The following ASPM variants were observed in gnomAD, a reference collection of about 807,000 sequenced individuals.
ASPM encodes abnormal spindle-like microcephaly-associated protein.
A neutral mutation model predicts 366.4 loss-of-function variants in ASPM; 256 were observed. The ratio of observed to expected loss-of-function variants is 0.70; its 90% CI spans 0.63 to 0.77. The LOEUF is 0.77. Among genes scored for constraint, ASPM ranks in the 30% least tolerant of loss-of-function variants. The pLI is 0.00. For missense variants in ASPM, 4,146 were observed against 4,090.4 expected, an observed-to-expected ratio of 1.01 and a Z score of -0.37; for synonymous variants, 1,414 against 1,342.9, an observed-to-expected ratio of 1.05 and a Z score of -1.16.
At chr1:197,123,746 GTTC>G (rs1293272477) in intron 13 of ASPM, among the ~76,000 whole-genome samples, 1 of 152,054 alleles carries the variant, frequency 6.6e-6, no homozygotes, top group African/African-American at 2.4e-5. Context: ...CTCAAATTTT[GTTC>G]TTCTTCCTCT....
At chr1:197,116,439 C>G (rs190543022) in intron 17 of ASPM, among the ~76,000 whole-genome samples, 2 of 152,220 alleles carry the variant, frequency 1.3e-5, no homozygotes, top group East Asian at 3.9e-4. Context: ...ATGACACAAA[C>G]ACAAAGTGAG....
Position 197,142,857 on chromosome 1 carries a change from T to A in ASPM, c.1395A>T (p.Ile465=), listed in dbSNP as rs1331563332. ...CAGAAAATTTAGGATTATTTTGTTTTATAAAACTGTAGTAATTTGACTTCA... is the reference window on the plus strand; with the variant it reads ...CAGAAAATTTAGGATTATTTTGTTTAATAAAACTGTAGTAATTTGACTTCA... The part of the protein sequence containing the change: ...VEMKSNYYSF[I]KQNNPKFSAV... The change falls in exon 3 of 28, where the codon ATA becomes ATT. Residue 465 remains isoleucine, a synonymous_variant. Transcript: ENST00000367409. 3 of 1,613,316 alleles carry A rather than the reference T, an allele frequency of 1.9e-6. No individual in the cohort carries two copies. Among genetic ancestry groups the A allele is most frequent in the Non-Finnish European group, 2.5e-6 (3 of 1,179,440 alleles).
intron 10 of ASPM, among the ~76,000 whole-genome samples, chr1:197,126,830 A>G (rs981768676): frequency 6.6e-6 from 1 of 152,232 alleles, no homozygotes; most frequent in African/African-American, 2.4e-5. Context: ...TCTTGTCCTC[A>G]TAAATGTCAA....
At chr1:197,117,162 A>T (rs940586076) in intron 17 of ASPM, among the ~76,000 whole-genome samples, 17 of 152,094 alleles carry the variant, frequency 1.1e-4, no homozygotes, top group African/African-American at 4.1e-4. Context: ...AAACTTTCAA[A>T]TTCATAAATC....
At chr1:197,095,736 A>G (rs1041858260) in intron 19 of ASPM, among the ~76,000 whole-genome samples, 5 of 147,406 alleles carry the variant, frequency 3.4e-5, no homozygotes, top group African/African-American at 1.2e-4. Context: ...TCCTTACTCT[A>G]ATCCTTATGA....
chr1:197,124,751 G>A (rs1557956956), intron 12 of ASPM, 119 bp downstream of exon 12: 6 of 791,126 alleles, frequency 7.6e-6, no homozygotes, highest in Non-Finnish European at 1.3e-5. Flanking sequence ...AGTTACTGGG[G>A]CAAAATAAAC....
intron 25 of ASPM, among the ~76,000 whole-genome samples, chr1:197,089,716 A>T (rs951445685): frequency 2.0e-5 from 3 of 151,900 alleles, no homozygotes; most frequent in Non-Finnish European, 4.4e-5. Flanking sequence ...ATTAATCATC[A>T]TTGTTTTTAA....
rs1553227712 is a variant in ASPM at position 197,142,721 on chromosome 1, C to G, written c.1531G>C (p.Glu511Gln). ...KATCTRENQT[E>Q]INKPKAKRCL... Reference sequence around the variant, plus strand: ...CTTTTTGCTTTTGGTTTATTAATCTCAGTTTGGTTTTCTCTGGTACAGGTG... The same window carrying G: ...CTTTTTGCTTTTGGTTTATTAATCTGAGTTTGGTTTTCTCTGGTACAGGTG... Residue 511 changes from glutamate (E) to glutamine (Q), a missense_variant, in exon 3 of 28, where the codon GAG becomes CAG. By Grantham distance (29) the Glu-to-Gln change is conservative (BLOSUM62 2). Coordinates refer to ENST00000367409, the MANE Select transcript of ASPM (RefSeq NM_018136.5). 6.2e-7 allele frequency: 1 copy of G among 1,613,958 alleles called. No individual in the cohort carries two copies. The highest frequency in any genetic ancestry group is 8.5e-7 in the Non-Finnish European group (1 of 1,179,874).
chr1:197,129,983 C>T lies in ASPM; in HGVS notation c.2561G>A (p.Arg854His). The part of the protein sequence containing the change: ...VTGLAMFILN[R>H]LLWNPDIAAE... Reference sequence around the variant, plus strand: ...TGCTATATCAGGATTCCAAAGTAGGCGATTCAGAATAAACATAGCCAACCC... The same window carrying T: ...TGCTATATCAGGATTCCAAAGTAGGTGATTCAGAATAAACATAGCCAACCC... Residue 854 changes from arginine to histidine, a missense_variant, in exon 8 of 28, where the codon CGC becomes CAC. By Grantham distance (29) the Arg-to-His change is conservative. Coordinates refer to ENST00000367409, the MANE Select transcript of ASPM (RefSeq NM_018136.5). The T allele has an allele frequency of 4.3e-6, 7 of 1,613,818 alleles. No individual in the cohort carries two copies. The highest frequency in any genetic ancestry group is 1.7e-5 in the Admixed American group (1 of 60,004).
intron 3 of ASPM, among the ~76,000 whole-genome samples, chr1:197,140,693 C>A (rs1276141794): frequency 1.3e-5 from 2 of 152,054 alleles, no homozygotes; most frequent in Non-Finnish European, 2.9e-5. Flanking sequence ...GAAGTAAAAA[C>A]CCTCATTTAT....
At chr1:197,096,397 G>A (rs1411706612) in intron 18 of ASPM, among the ~76,000 whole-genome samples, 1 of 151,784 alleles carries the variant, frequency 6.6e-6, no homozygotes, top group Non-Finnish European at 1.5e-5. Context: ...ATGGCTGGCT[G>A]CCAGCCCAGC....
intron 7 of ASPM, among the ~76,000 whole-genome samples, chr1:197,131,239 T>C (rs1178587961): frequency 6.6e-6 from 1 of 152,192 alleles, no homozygotes; most frequent in African/African-American, 2.4e-5. Context: ...AAGACTCTTC[T>C]ATTCCAAAAC....
At chr1:197,125,283 C>T (rs1658056550) in intron 10 of ASPM, 92 bp from the exon 11 acceptor site, 2 of 1,447,040 alleles carry the variant, frequency 1.4e-6, no homozygotes, top group East Asian at 4.6e-5. Flanking sequence ...ACATAAATCC[C>T]AACAGTTACA....
chr1:197,092,156 G>A, intron 21 of ASPM, 100 bp from the exon 22 acceptor site: 1 of 1,178,220 alleles, frequency 8.5e-7, no homozygotes, highest in Non-Finnish European at 1.2e-6. Flanking sequence ...ATATAAACTA[G>A]CAAGAATAAA....
Position 197,094,106 on chromosome 1 carries a change from T to C in ASPM, c.9062A>G (p.His3021Arg), listed in dbSNP as rs750996108. Residue 3021 changes from histidine (H) to arginine (R), a missense_variant, in exon 20 of 28, where the codon CAT becomes CGT. Around this residue, in one of 3 missense-constraint regions of ASPM, gnomAD observed 3,624 missense variants for 3,591.7 expected, o/e 1.01. Transcript: ENST00000367409. Reference protein sequence around the residue: ...WRAILPAKIAHEHFLMIKRHR... With the variant: ...WRAILPAKIAREHFLMIKRHR... The stretch of plus-strand genomic sequence containing the variant: ...TACTTTTATCATTAAGAAGTGTTCA[T>C]GAGCTATCTTTGCAGGAAGTATAGC... 6.2e-7 allele frequency: 1 copy of C among 1,601,536 alleles called. No individual in the cohort carries two copies. The highest frequency in any genetic ancestry group is 1.3e-5 in the African/African-American group (1 of 74,552).
chr1:197,097,488 C>T (rs1038609320), intron 18 of ASPM, among the ~76,000 whole-genome samples: 3 of 151,486 alleles, frequency 2.0e-5, no homozygotes, highest in South Asian at 2.1e-4. Context: ...TTAATTATCC[C>T]GCAGCACAAC....
rs766081084 is a variant in ASPM, at chr1:197,103,265, C to T, written c.5986G>A (p.Ala1996Thr). ...QQKKWKIMKK[A>T]ALLIQKYYRA... ...TAATACTTTTGAATCAGAAGAGCAG[C>T]TTTTTTCATGATTTTCCACTTCTTT... is the stretch of plus-strand genomic sequence containing the variant. The change falls in exon 18 of 28, where the codon GCT becomes ACT. Residue 1996 changes from alanine to threonine, a missense_variant. By Grantham distance (58) the Ala-to-Thr change is moderately conservative. Coordinates refer to ENST00000367409, the MANE Select transcript of ASPM (RefSeq NM_018136.5). 33 of 1,612,844 alleles carry T rather than the reference C, an allele frequency of 2.0e-5. No homozygotes were observed. Among genetic ancestry groups the T allele is most frequent in the Non-Finnish European group, 2.5e-5 (30 of 1,179,424 alleles).
chr1:197,088,545 A>C (rs1656672244), intron 25 of ASPM, 113 bp from the exon 26 acceptor site: 14 of 886,038 alleles, frequency 1.6e-5, no homozygotes, highest in Non-Finnish European at 2.4e-5. Flanking sequence ...AAATTTTTGG[A>C]CCACCTGCAG....
chr1:197,103,234 GCC>G lies in ASPM; in HGVS notation c.6015_6016del (p.Arg2005SerfsTer48). 6.2e-7 allele frequency: 1 copy of G among 1,612,736 alleles called. No homozygotes were observed. On this transcript the variant is annotated frameshift_variant, in exon 18 of 28. Transcript: ENST00000367409. LOFTEE classifies it high-confidence loss of function. ...ATTCTGTTCTCTTCCAATACTGTAA[GCC>G]CTATAATACTTTTGAATCAGAAGAG...
Sources: gnomAD v4.1 joint callset for allele counts (sites outside exome capture counted in the v4.1 genomes callset) on GRCh38, gnomAD v4.1.1 for gene constraint, gnomAD v4.1.1 regional missense constraint, MANE v1.5 for transcripts, NCBI Gene and HGNC (gene_info 2026-07-23, HGNC 2026-07-21) for gene names.